Variants in MLC1 observed in about 807,000 individuals in gnomAD.
The protein encoded by MLC1 is membrane protein MLC1.
A neutral mutation model predicts 44.7 loss-of-function variants in MLC1; 32 were observed. The observed-to-expected ratio is 0.72, with a 90% confidence interval of 0.54 to 0.96. The LOEUF is 0.96. Among genes scored for constraint, MLC1 ranks in the 40% least tolerant of loss-of-function variants. MLC1 has a pLI of 0.00. For missense variants in MLC1, 459 were observed against 492.2 expected (o/e 0.93, Z 0.64); for synonymous variants, 190 against 213.0 (o/e 0.89, Z 0.94).
chr22:50,061,279 G>C lies in MLC1; in HGVS notation c.*304C>G. On this transcript the variant is annotated 3_prime_UTR_variant, in exon 12 of 12. Coordinates refer to ENST00000311597, the MANE Select transcript of MLC1 (RefSeq NM_015166.4). ...AAGAGGAGCTGGGGCCAGTTCAGGG[G>C]TGGGGCTCTCAAGAGGCCGAGCCGG... The C allele has an allele frequency of 6.4e-6, 3 of 468,230 alleles. No individual in the cohort carries two copies. The highest frequency in any genetic ancestry group is 8.5e-5 in the East Asian group (2 of 23,578). 29.0% of individuals were successfully genotyped at this position (468,230 alleles called of 1,614,324 possible).
At chr22:50,063,233 G>A (rs1397587762) in intron 11 of MLC1, among the ~76,000 whole-genome samples, 1 of 152,088 alleles carries the variant, frequency 6.6e-6, no homozygotes, top group African/African-American at 2.4e-5. Context: ...CCAGCACTTT[G>A]GGAGGCCAAG....
intron 11 of MLC1, among the ~76,000 whole-genome samples, chr22:50,063,212 C>T (rs934826243): frequency 4.6e-5 from 7 of 152,058 alleles, no homozygotes; most frequent in Non-Finnish European, 1.0e-4. Context: ...CGGTGGCTCA[C>T]GCCTGTAATT....
At chr22:50,078,296 A>C (rs1031700169) in intron 5 of MLC1, among the ~76,000 whole-genome samples, 2 of 152,014 alleles carry the variant, frequency 1.3e-5, no homozygotes, top group African/African-American at 4.8e-5. Context: ...CGGCCTGACA[A>C]TTTTTAAAAT....
chr22:50,075,396 A>G (rs1451988553), intron 7 of MLC1, among the ~76,000 whole-genome samples: 1 of 152,202 alleles, frequency 6.6e-6, no homozygotes, highest in African/African-American at 2.4e-5. Flanking sequence ...CAGAAGGCAC[A>G]AAACTCCAGA....
chr22:50,081,009 AAAAGAAAGAAAGAAAG>A (rs757266134), intron 3 of MLC1, among the ~76,000 whole-genome samples: 4 of 96,740 alleles, frequency 4.1e-5, no homozygotes, highest in African/African-American at 9.1e-5. Context: ...TTGTCTCAAA[AAAAGAAAGAAAGAAAG>A]AAAGAAAGAA....
Position 50,067,968 on chromosome 22 carries a change from AAAC to A in MLC1, c.894+462_894+464del, listed in dbSNP as rs1209025215. On this transcript the variant is annotated intron_variant, in intron 10 of 11. Transcript: ENST00000311597. ...TTATACTGGAAAAAAAAAAACAAAA[AAAC>A]AAAAAAACACTAGGTATCTAAGAAA... Among the ~76,000 whole-genome samples the A allele has an allele frequency of 1.6e-3, 190 of 119,968 alleles. 2 individuals are homozygous for A. Among genetic ancestry groups the A allele is most frequent in the South Asian group, 0.016 (49 of 3,122 alleles). The allele number at this position is 119,968 out of a possible 152,430, so 78.7% of individuals were successfully genotyped here. A position where few individuals can be genotyped will look rare whatever the true frequency, so the allele number is the denominator to read the frequency against.
chr22:50,081,816 C>T (rs977412458), intron 3 of MLC1, among the ~76,000 whole-genome samples: 7 of 152,032 alleles, frequency 4.6e-5, no homozygotes, highest in Non-Finnish European at 1.0e-4. Context: ...CAAGGCTGGG[C>T]GGGGGTGGGC....
At position 50,083,110 on chromosome 22, in the gene MLC1, C is replaced by G. The variant is rs140759469; in HGVS notation, c.241G>C (p.Asp81His). 1 of 1,614,008 alleles carries G rather than the reference C, an allele frequency of 6.2e-7. No individual in the cohort carries two copies. Among genetic ancestry groups the G allele is most frequent in the Non-Finnish European group, 8.5e-7 (1 of 1,180,022 alleles). ...GAGCCTGCAGCACAGCGCAAGTAATCCATCTCAGCCGGGAACACGTTCCCC... is the reference window on the plus strand; with the variant it reads ...GAGCCTGCAGCACAGCGCAAGTAATGCATCTCAGCCGGGAACACGTTCCCC... ...YLGNVFPAEM[D>H]YLRCAAGSCI... is the part of the protein sequence containing the mutation. The change falls in exon 3 of 12, where the codon GAT becomes CAT. Residue 81 changes from aspartate (D) to histidine (H), a missense_variant. Physicochemically the swap from Asp to His is moderately conservative, Grantham distance 81. Coordinates refer to ENST00000311597, the MANE Select transcript of MLC1 (RefSeq NM_015166.4). The surrounding 1 kb of genome is among the most constrained non-coding windows in gnomAD (Gnocchi z 4.6).
At chr22:50,084,578 G>A (rs993564325) in intron 2 of MLC1, 148 bp downstream of exon 2, 5 of 879,328 alleles carry the variant, frequency 5.7e-6, no homozygotes, top group African/African-American at 3.3e-5. Flanking sequence ...AGCAAAACAA[G>A]CTCGTCGGCA....
intron 10 of MLC1, among the ~76,000 whole-genome samples, chr22:50,067,846 C>G (rs180802101): frequency 6.6e-6 from 1 of 151,486 alleles, no homozygotes; most frequent in African/African-American, 2.4e-5. Flanking sequence ...CTCCATCCCC[C>G]CATCAGGCAG....
At chr22:50,079,348 C>T (rs8137999) in intron 5 of MLC1, among the ~76,000 whole-genome samples, 35,258 of 151,194 alleles carry the variant, frequency 0.23, 5,055 homozygotes, top group Non-Finnish European at 0.32. Flanking sequence ...CCTGTGTCTG[C>T]TCATTTTTCC....
Position 50,083,204 on chromosome 22 carries a change from A to G in MLC1, c.178-31T>C, listed in dbSNP as rs780083421. On this transcript the variant is annotated intron_variant, in intron 2 of 11. Transcript: ENST00000311597. The surrounding 1 kb of genome is among the most constrained non-coding windows in gnomAD (Gnocchi z 4.6). ...AGACAGCGACAGAATCCCAGGTTAC[A>G]ACGCGCCCCGTCCCCAGGCTGGACC... 18 of 1,591,576 alleles carry G rather than the reference A, an allele frequency of 1.1e-5. No homozygotes were observed. The Admixed American group carries it at 2.8e-4, about 25-fold the overall frequency.
At position 50,059,806 on chromosome 22, in the gene MLC1, C is replaced by G. The variant is rs369736251; in HGVS notation, c.*1777G>C. ...GGCCCCTGACTGTGTCCTTCCGGAG[C>G]TGCCGAGGACTGCAGAGAGGGCCTG... On this transcript the variant is annotated 3_prime_UTR_variant, in exon 12 of 12. Transcript: ENST00000311597. 1 of 152,370 alleles carries G rather than the reference C, an allele frequency of 6.6e-6. No homozygotes were observed. The highest frequency in any genetic ancestry group is 6.5e-5 in the Admixed American group (1 of 15,294). 9.4% of individuals were successfully genotyped at this position (152,370 alleles called of 1,614,324 possible). A position where few individuals can be genotyped will look rare whatever the true frequency, so the allele number is the denominator to read the frequency against.
intron 9 of MLC1, among the ~76,000 whole-genome samples, chr22:50,069,942 C>T (rs541030644): frequency 5.9e-5 from 9 of 152,144 alleles, no homozygotes; most frequent in East Asian, 1.9e-4. Flanking sequence ...TGGCTCACAC[C>T]GGTAATCCCA....
chr22:50,061,532 C>T lies in MLC1; in HGVS notation c.*51G>A. 1.3e-6 allele frequency: 2 copies of T among 1,569,432 alleles called. No homozygotes were observed. The highest frequency in any genetic ancestry group is 1.1e-5 in the South Asian group (1 of 90,266). The stretch of plus-strand genomic sequence containing the variant: ...CAGGGCGATTAGGGGTTGTGCGTTT[C>T]CATGCTTGGGGCCAGGCTGGGCGCT... On this transcript the variant is annotated 3_prime_UTR_variant, in exon 12 of 12. Coordinates refer to ENST00000311597, the MANE Select transcript of MLC1 (RefSeq NM_015166.4).
At chr22:50,075,442 C>T (rs6010259) in intron 7 of MLC1, among the ~76,000 whole-genome samples, 38,120 of 152,014 alleles carry the variant, frequency 0.25, 5,429 homozygotes, top group Non-Finnish European at 0.33. Flanking sequence ...CCAGGCACGG[C>T]GGCTCATGCC....
At chr22:50,079,818 A>G (rs1316506347) in intron 5 of MLC1, 100 bp downstream of exon 5, 4 of 900,812 alleles carry the variant, frequency 4.4e-6, no homozygotes, top group South Asian at 1.3e-5. Context: ...TGTGAATAAC[A>G]TTTACCACCT....
In MLC1 at chr22:50,082,186, GGCCAGAGGGGCA is replaced by G. The variant is rs1390199951; in HGVS notation, c.267+886_267+897del. Among the ~76,000 whole-genome samples the G allele has an allele frequency of 4.3e-3, 402 of 93,006 alleles. 2 individuals are homozygous for G. Among genetic ancestry groups the G allele is most frequent in the Non-Finnish European group, 6.6e-3 (273 of 41,418 alleles). 61.0% of individuals were successfully genotyped at this position (93,006 alleles called of 152,430 possible). Reference sequence around the variant, plus strand: ...AGGGGCGTGGGGTCCGCGGCTTGCGGGCCAGAGGGGCATGGGGTCCGCGGCTTGCGGGCCAGA... The same window carrying G: ...AGGGGCGTGGGGTCCGCGGCTTGCGGTGGGGTCCGCGGCTTGCGGGCCAGA... On this transcript the variant is annotated intron_variant, in intron 3 of 11. Transcript: ENST00000311597.
Position 50,061,516 on chromosome 22 carries a change from T to G in MLC1, c.*67A>C. 6.7e-7 allele frequency: 1 copy of G among 1,496,412 alleles called. No homozygotes were observed. Among genetic ancestry groups the G allele is most frequent in the Non-Finnish European group, 9.3e-7 (1 of 1,077,566 alleles). The allele number at this position is 1,496,412 out of a possible 1,614,324, so 92.7% of individuals were successfully genotyped here. A position where few individuals can be genotyped will look rare whatever the true frequency, so the allele number is the denominator to read the frequency against. On this transcript the variant is annotated 3_prime_UTR_variant, in exon 12 of 12. Transcript: ENST00000311597. ...GTTAGAAGCAGTAGCTCAGGGCGATTAGGGGTTGTGCGTTTCCATGCTTGG... is the reference window on the plus strand; with the variant it reads ...GTTAGAAGCAGTAGCTCAGGGCGATGAGGGGTTGTGCGTTTCCATGCTTGG...
Sources: gnomAD v4.1 joint callset for allele counts (sites outside exome capture counted in the v4.1 genomes callset) on GRCh38, gnomAD v4.1.1 for gene constraint, Gnocchi (gnomAD v3.1) non-coding constraint, MANE v1.5 for transcripts, NCBI Gene and HGNC (gene_info 2026-07-23, HGNC 2026-07-21) for gene names.